MZT2A: variants seen among roughly 807,000 people sequenced by gnomAD.
MZT2A encodes the protein mitotic-spindle organizing protein 2A.
A neutral mutation model predicts 12.4 loss-of-function variants in MZT2A; 8 were observed. The observed-to-expected ratio is 0.64, with a 90% CI of 0.38 to 1.16. The LOEUF is 1.16. Among genes scored for constraint, MZT2A ranks in the 50% most tolerant of loss-of-function variants. The pLI, the probability that MZT2A is intolerant of heterozygous loss-of-function variation, is 0.01. For missense variants in MZT2A, 181 were observed against 223.6 expected (o/e 0.81, Z 1.22); for synonymous variants, 88 against 107.5 (o/e 0.82, Z 1.12).
chr2:131,485,573 T>C (rs1679021449), intron 2 of MZT2A, among the ~76,000 whole-genome samples: 1 of 152,100 alleles, frequency 6.6e-6, no homozygotes, highest in Admixed American at 6.6e-5. Context: ...CACCCTGGCA[T>C]TAAGTGTTTC....
chr2:131,483,467 A>G (rs1678927363), downstream of MZT2A, among the ~76,000 whole-genome samples: 2 of 152,134 alleles, frequency 1.3e-5, no homozygotes, highest in South Asian at 4.2e-4. Flanking sequence ...GTCCCTCAGC[A>G]CTGTCAACTG....
chr2:131,479,610 C>T (rs1273647224), downstream of MZT2A, among the ~76,000 whole-genome samples: 3 of 152,008 alleles, frequency 2.0e-5, no homozygotes, highest in Non-Finnish European at 4.4e-5. Flanking sequence ...GAGGCTAAAG[C>T]GGGTGGATTA....
chr2:131,478,573 T>C, intron 2 of MZT2A: 1 of 1,096,386 alleles, frequency 9.1e-7, no homozygotes, highest in East Asian at 2.6e-5. Context: ...GCTCCTAATT[T>C]AGGAAAACCT....
At chr2:131,476,490 G>A (rs1262509732) in intron 2 of MZT2A, among the ~76,000 whole-genome samples, 1 of 152,228 alleles carries the variant, frequency 6.6e-6, no homozygotes, top group Non-Finnish European at 1.5e-5. Flanking sequence ...GAAGACGGGA[G>A]GGCGCTGCTC....
At chr2:131,480,652 G>A (rs1406700231), downstream of MZT2A, 1 of 1,613,692 alleles carries the variant, frequency 6.2e-7, no homozygotes, top group African/African-American at 1.3e-5. Context: ...ATGTTGTACA[G>A]GGGGGACGTG....
chr2:131,493,207 A>G, upstream of MZT2A: 1 of 1,376,732 alleles, frequency 7.3e-7, no homozygotes, highest in Non-Finnish European at 9.4e-7. Context: ...GCCCCTGCGG[A>G]GGCCATCTCC....
chr2:131,472,005 C>T (rs532056730), intron 3 of MZT2A: 39 of 1,249,856 alleles, frequency 3.1e-5, no homozygotes, highest in Non-Finnish European at 3.7e-5. Flanking sequence ...TCTGTATGAA[C>T]AGAATCTTAC....
intron 2 of MZT2A, among the ~76,000 whole-genome samples, chr2:131,475,147 A>AT (rs1424363634): frequency 6.6e-6 from 1 of 150,462 alleles, no homozygotes; most frequent in African/African-American, 2.5e-5. Context: ...ATTTTTTTGT[A>AT]TTTTTTGTAA....
At chr2:131,482,798 G>T, downstream of MZT2A, 1 of 1,614,234 alleles carries the variant, frequency 6.2e-7, no homozygotes, top group Non-Finnish European at 8.5e-7. Context: ...TTATGAAGAG[G>T]TGGGCGTGGA....
downstream of MZT2A, among the ~76,000 whole-genome samples, chr2:131,479,661 G>A (rs1678785121): frequency 6.6e-6 from 1 of 152,152 alleles, no homozygotes. Flanking sequence ...CCTACATGGT[G>A]AAACTCTATG....
chr2:131,479,372 A>G, downstream of MZT2A: 1 of 1,614,218 alleles, frequency 6.2e-7, no homozygotes, highest in Non-Finnish European at 8.5e-7. Context: ...CCGGGAAGGA[A>G]GATGCAGCCA....
upstream of MZT2A, chr2:131,492,843 G>C: frequency 2.0e-6 from 3 of 1,479,074 alleles, no homozygotes; most frequent in South Asian, 1.2e-5. Context: ...CCTTGCTAGG[G>C]AGAAAGTGCG....
chr2:131,489,295 G>A (rs1285351765), intron 2 of MZT2A: 1 of 151,128 alleles, frequency 6.6e-6, no homozygotes, highest in Non-Finnish European at 1.5e-5. Context: ...CTCAGGCTCA[G>A]GCAATCCTCC....
chr2:131,485,880 C>G (rs1003056242), intron 2 of MZT2A, among the ~76,000 whole-genome samples: 1 of 151,876 alleles, frequency 6.6e-6, no homozygotes, highest in African/African-American at 2.4e-5. Context: ...TGCCGTGGAC[C>G]CCCGCTCTTC....
chr2:131,487,895 T>C (rs1679119330), intron 2 of MZT2A, among the ~76,000 whole-genome samples: 1 of 152,210 alleles, frequency 6.6e-6, no homozygotes, highest in Admixed American at 6.5e-5. Context: ...GCCTCCCAAG[T>C]AGTTGGAACT....
At chr2:131,491,661 C>T (rs4065392) in intron 2 of MZT2A, 39 of 822,370 alleles carry the variant, frequency 4.7e-5, no homozygotes, top group Admixed American at 5.9e-5. Context: ...CACCCTGGGG[C>T]ACGCACTCTG....
intron 2 of MZT2A, among the ~76,000 whole-genome samples, chr2:131,486,075 G>C (rs1291371802): frequency 6.6e-6 from 1 of 150,780 alleles, no homozygotes; most frequent in Non-Finnish European, 1.5e-5. Context: ...CTGTCAGCTT[G>C]TCACACTTGG....
chr2:131,488,517 G>A (rs1465512179), intron 2 of MZT2A, among the ~76,000 whole-genome samples: 1 of 152,120 alleles, frequency 6.6e-6, no homozygotes, highest in Non-Finnish European at 1.5e-5. Context: ...GGAAACCTAT[G>A]GCCTCCATGC....
intron 2 of MZT2A, among the ~76,000 whole-genome samples, chr2:131,477,666 C>T (rs368486600): frequency 2.0e-5 from 3 of 151,062 alleles, no homozygotes; most frequent in Non-Finnish European, 4.4e-5. Context: ...GGTCAGCCTT[C>T]GAGAGCACAG....
Sources: allele counts gnomAD v4.1 joint callset (sites outside exome capture counted in the v4.1 genomes callset), GRCh38; gene constraint gnomAD v4.1.1; transcripts MANE v1.5; gene names NCBI Gene and HGNC (gene_info 2026-07-23, HGNC 2026-07-21).